MCMBP: variants seen among roughly 807,000 people sequenced by gnomAD.
MCMBP encodes the protein minichromosome maintenance complex binding protein.
A neutral mutation model predicts 81.3 loss-of-function variants in MCMBP; 31 were observed. The observed-to-expected ratio is 0.38, with a 90% CI of 0.29 to 0.51. The LOEUF (loss-of-function observed/expected upper bound fraction) is 0.51, where lower values mean the gene tolerates loss of function less well. Ranked by LOEUF, MCMBP falls within the 20% of genes least tolerant of loss-of-function variation. MCMBP has a pLI of 0.87. For missense variants in MCMBP, 645 were observed against 772.1 expected, an observed-to-expected ratio of 0.84 and a Z score of 1.95; for synonymous variants, 267 against 275.9, an observed-to-expected ratio of 0.97 and a Z score of 0.32.
chr10:119,834,096 G>C (rs774543975), intron 14 of MCMBP, among the ~76,000 whole-genome samples: 7 of 152,140 alleles, frequency 4.6e-5, no homozygotes, highest in Non-Finnish European at 7.4e-5. Flanking sequence ...AGACCTGTGG[G>C]ATACCATTAA....
chr10:119,842,376 A>G (rs541747574), intron 10 of MCMBP, 96 bp downstream of exon 10: 287 of 1,396,608 alleles, frequency 2.1e-4, no homozygotes, highest in Non-Finnish European at 1.7e-4. Flanking sequence ...ATGAAGCCCA[A>G]TAAGGAAAAC....
chr10:119,845,558 G>A (rs1852588288), intron 8 of MCMBP, among the ~76,000 whole-genome samples: 1 of 152,162 alleles, frequency 6.6e-6, no homozygotes, highest in African/African-American at 2.4e-5. Flanking sequence ...GGTTCCCTAA[G>A]GAGGCTGGGT....
chr10:119,854,242 A>C (rs1385301251), intron 5 of MCMBP, among the ~76,000 whole-genome samples: 1 of 151,664 alleles, frequency 6.6e-6, no homozygotes, highest in Admixed American at 6.6e-5. Context: ...GAGTATTGCC[A>C]TGTTGGCCAG....
intron 1 of MCMBP, among the ~76,000 whole-genome samples, chr10:119,870,504 A>T (rs979740939): frequency 6.6e-6 from 1 of 152,160 alleles, no homozygotes; most frequent in Non-Finnish European, 1.5e-5. Flanking sequence ...TTTTCAGTTT[A>T]AAAAAACTGT....
At chr10:119,860,487 T>C (rs192249933) in intron 1 of MCMBP, among the ~76,000 whole-genome samples, 22 of 152,310 alleles carry the variant, frequency 1.4e-4, no homozygotes, top group African/African-American at 5.1e-4. Context: ...ACCATAGTAC[T>C]GTTATCAACC....
intron 13 of MCMBP, 115 bp downstream of exon 13, chr10:119,836,757 GTTTTTTTTTTTTTTTTTTTTTTTT>G (rs199759464): frequency 0.021 from 6,155 of 296,512 alleles, 209 homozygotes; most frequent in South Asian, 0.12. Flanking sequence ...AGCAGTCACA[GTTTTTTTTTTTTTTTTTTTTTTTT>G]TTTTTTTTTT....
chr10:119,848,427 C>A (rs187977330), intron 7 of MCMBP, among the ~76,000 whole-genome samples: 59 of 152,176 alleles, frequency 3.9e-4, no homozygotes, highest in African/African-American at 1.4e-3. Flanking sequence ...GCCTGGCCAA[C>A]ATAGTGAAAC....
In MCMBP at chr10:119,859,879, T is replaced by C. The variant is rs750591532; in HGVS notation, c.64A>G (p.Asn22Asp). ...TTCTCCCAGTCAGGATTAACTCCAT[T>C]TTGGGCTGAAAGAGAAATATACTTT... ...LGIVQGFFAQ[N>D]GVNPDWEKKV... Residue 22 changes from asparagine (N) to aspartate (D), a missense_variant, in exon 2 of 16, where the codon AAT (asparagine) becomes GAT (aspartate). Transcript: ENST00000369077. The C allele has an allele frequency of 6.2e-7, 1 of 1,610,138 alleles. No individual in the cohort carries two copies. Among genetic ancestry groups the C allele is most frequent in the Non-Finnish European group, 8.5e-7 (1 of 1,178,220 alleles).
intron 1 of MCMBP, among the ~76,000 whole-genome samples, chr10:119,870,788 T>C (rs1249006964): frequency 2.0e-5 from 3 of 152,224 alleles, no homozygotes; most frequent in African/African-American, 7.2e-5. Context: ...CAACAGCTTC[T>C]ACGAACACAT....
chr10:119,851,973 A>G (rs1443575690), intron 6 of MCMBP, among the ~76,000 whole-genome samples: 1 of 151,614 alleles, frequency 6.6e-6, no homozygotes, highest in East Asian at 2.0e-4. Context: ...ACCAACATGG[A>G]GAAACCCCGT....
At chr10:119,834,679 C>G (rs1344024283) in intron 14 of MCMBP, among the ~76,000 whole-genome samples, 1 of 151,254 alleles carries the variant, frequency 6.6e-6, no homozygotes, top group Non-Finnish European at 1.5e-5. Context: ...CACACACACC[C>G]AAACAAAACA....
At position 119,865,832 on chromosome 10, in the gene MCMBP, T is replaced by C. The variant is rs192824516; in HGVS notation, c.59-5948A>G. On this transcript the variant is annotated intron_variant, in intron 1 of 15. Coordinates refer to ENST00000369077, the MANE Select transcript of MCMBP (RefSeq NM_001256378.2). The stretch of plus-strand genomic sequence containing the variant: ...GGCTCACATCTGTAATCCCAGCACT[T>C]TGGGAGGCCGAGGCGGGAGGGTCAC... Among the ~76,000 whole-genome samples, 206 of 152,206 alleles carry C rather than the reference T, an allele frequency of 1.4e-3. 1 individual carries two copies. The highest frequency in any genetic ancestry group is 2.5e-3 in the Non-Finnish European group (167 of 67,990).
intron 14 of MCMBP, among the ~76,000 whole-genome samples, chr10:119,832,987 T>C (rs1852100722): frequency 6.6e-6 from 1 of 152,206 alleles, no homozygotes; most frequent in Admixed American, 6.5e-5. Flanking sequence ...CTCCCACCTC[T>C]GCATGACCTG....
chr10:119,849,224 G>A (rs184926919), intron 7 of MCMBP, among the ~76,000 whole-genome samples: 41 of 152,282 alleles, frequency 2.7e-4, no homozygotes, highest in African/African-American at 9.6e-4. Flanking sequence ...CTGGCACCTC[G>A]AGTTTACCCC....
rs1852027992 is a variant in MCMBP, at chr10:119,831,349, A to G, written c.*125T>C. On this transcript the variant is annotated 3_prime_UTR_variant, in exon 16 of 16. Coordinates refer to ENST00000369077, the MANE Select transcript of MCMBP (RefSeq NM_001256378.2). Reference sequence around the variant, plus strand: ...TAAACATCAGGTGTTACCAGGCTTGATTTCAGGAAATGTCACTGGTTTGTG... The same window carrying G: ...TAAACATCAGGTGTTACCAGGCTTGGTTTCAGGAAATGTCACTGGTTTGTG... 2 of 1,197,964 alleles carry G rather than the reference A, an allele frequency of 1.7e-6. No individual in the cohort carries two copies. The highest frequency in any genetic ancestry group is 1.5e-5 in the South Asian group (1 of 66,918). 74.2% of individuals were successfully genotyped at this position (1,197,964 alleles called of 1,614,324 possible). A position where few individuals can be genotyped will look rare whatever the true frequency, so the allele number is the denominator to read the frequency against.
At chr10:119,865,982 G>C (rs2420796) in intron 1 of MCMBP, among the ~76,000 whole-genome samples, 4 of 151,946 alleles carry the variant, frequency 2.6e-5, no homozygotes, top group Admixed American at 2.0e-4. Context: ...CAGCTACTCA[G>C]GAAGCTGAGG....
At chr10:119,872,496 G>A (rs1853724501) in intron 1 of MCMBP, 31 bp downstream of exon 1, 3 of 893,186 alleles carry the variant, frequency 3.4e-6, no homozygotes, top group Non-Finnish European at 2.9e-6. Flanking sequence ...TCGGCTGCCC[G>A]CCCGGCCCGC....
chr10:119,857,840 T>G (rs956970954), intron 4 of MCMBP: 1 of 153,328 alleles, frequency 6.5e-6, no homozygotes, highest in Admixed American at 6.5e-5. Flanking sequence ...ACAACAGAAG[T>G]TGTTGCTCAT....
chr10:119,838,253 TTAAA>T (rs997549048), intron 12 of MCMBP, among the ~76,000 whole-genome samples: 28 of 148,206 alleles, frequency 1.9e-4, no homozygotes, highest in Admixed American at 8.1e-4. Context: ...ATGATATATA[TTAAA>T]TGAGACATTA....
Sources: allele counts gnomAD v4.1 joint callset (sites outside exome capture counted in the v4.1 genomes callset), GRCh38; gene constraint gnomAD v4.1.1; transcripts MANE v1.5; gene names NCBI Gene and HGNC (gene_info 2026-07-23, HGNC 2026-07-21).